Variants in ASPH observed in about 807,000 individuals in gnomAD.
The protein encoded by ASPH is aspartyl/asparaginyl beta-hydroxylase.
In ASPH, 100 loss-of-function variants were observed where a neutral mutation model predicts 118.4. The ratio of observed to expected loss-of-function variants is 0.84; its 90% confidence interval spans 0.72 to 1.00. The LOEUF is 1.00. ASPH is among the 50% of genes least tolerant of loss of function. ASPH has a pLI of 0.00. For synonymous variants in ASPH, 315 were observed against 325.6 expected (o/e 0.97, Z 0.35); for missense variants, 920 against 919.5 (o/e 1.00, Z -0.01).
At chr8:61,686,357 G>T (rs1039814337) in intron 1 of ASPH, among the ~76,000 whole-genome samples, 2 of 151,998 alleles carry the variant, frequency 1.3e-5, no homozygotes, top group African/African-American at 2.4e-5. Context: ...GTTGGTAGAG[G>T]GAAATGGTGG....
chr8:61,695,241 C>A (rs1395979900), intron 1 of ASPH, among the ~76,000 whole-genome samples: 2 of 152,194 alleles, frequency 1.3e-5, no homozygotes, highest in Non-Finnish European at 2.9e-5. Context: ...ATACAGCAGA[C>A]AAAATATTTT....
At chr8:61,695,100 G>A (rs547590633) in intron 1 of ASPH, among the ~76,000 whole-genome samples, 8 of 152,180 alleles carry the variant, frequency 5.3e-5, no homozygotes, top group East Asian at 1.9e-4. Context: ...AAGCATTTGC[G>A]TGTGCCATGA....
intron 1 of ASPH, among the ~76,000 whole-genome samples, chr8:61,694,399 A>G (rs1833436583): frequency 6.6e-6 from 1 of 152,004 alleles, no homozygotes; most frequent in African/African-American, 2.4e-5. Flanking sequence ...TTCATTTTCT[A>G]ACCTCCCACT....
chr8:61,546,917 T>C (rs182191186), intron 21 of ASPH, among the ~76,000 whole-genome samples: 2 of 152,344 alleles, frequency 1.3e-5, no homozygotes, highest in Admixed American at 6.5e-5. Flanking sequence ...ATCAATATTT[T>C]GTCACTCTTC....
chr8:61,646,645 T>C, intron 6 of ASPH, 105 bp downstream of exon 6: 1 of 1,261,350 alleles, frequency 7.9e-7, no homozygotes, highest in South Asian at 2.3e-5. Flanking sequence ...TTTAAAAATC[T>C]AAGCAAAAGT....
intron 1 of ASPH, among the ~76,000 whole-genome samples, chr8:61,691,746 C>G (rs1267579773): frequency 6.6e-6 from 1 of 152,196 alleles, no homozygotes; most frequent in Non-Finnish European, 1.5e-5. Flanking sequence ...AATTTCCTTG[C>G]TTATAAAATG....
chr8:61,520,683 C>A (rs1379770394), intron 22 of ASPH, among the ~76,000 whole-genome samples: 1 of 152,184 alleles, frequency 6.6e-6, no homozygotes, highest in African/African-American at 2.4e-5. Context: ...TCCAAGTCTT[C>A]TGGTATGCAG....
intron 20 of ASPH, among the ~76,000 whole-genome samples, chr8:61,548,457 A>G (rs1328485251): frequency 2.6e-5 from 4 of 152,224 alleles, no homozygotes; most frequent in East Asian, 1.9e-4. Context: ...CTCTCTGGAT[A>G]GTGGATTCAT....
At chr8:61,573,922 A>G (rs1316248730) in intron 16 of ASPH, among the ~76,000 whole-genome samples, 1 of 152,122 alleles carries the variant, frequency 6.6e-6, no homozygotes, top group African/African-American at 2.4e-5. Flanking sequence ...AACCTACAGA[A>G]TGGGAGAAAA....
intron 3 of ASPH, chr8:61,675,852 C>A: frequency 7.4e-7 from 1 of 1,348,018 alleles, no homozygotes; most frequent in Non-Finnish European, 9.5e-7. Context: ...TTGTAGCTGA[C>A]TACAAGAATG....
rs144957446 is a variant in ASPH at position 61,541,220 on chromosome 8, C to T, written c.1764+6851G>A. 5.8e-3 allele frequency among the ~76,000 whole-genome samples: 889 copies of T among 152,162 alleles called. 6 individuals are homozygous for T. Among genetic ancestry groups the T allele is most frequent in the Non-Finnish European group, 9.1e-3 (616 of 67,994 alleles). On this transcript the variant is annotated intron_variant, in intron 21 of 24. Coordinates refer to ENST00000379454, the MANE Select transcript of ASPH (RefSeq NM_004318.4). The stretch of plus-strand genomic sequence containing the variant: ...AATTCATATTAAAAAAAAAATTAGC[C>T]GGGCATGGTGGTGGGCACCTGTAGT...
rs538481699 is a variant in ASPH at position 61,531,367 on chromosome 8, C to T, written c.1765-5255G>A. ...CTTGGCCTCTGCCTGGTACTGGGCT[C>T]CCTAATTACTGGATTCTAGTTATTC... On this transcript the variant is annotated intron_variant, in intron 21 of 24. Coordinates refer to ENST00000379454, the MANE Select transcript of ASPH (RefSeq NM_004318.4). Among the ~76,000 whole-genome samples, 35 of 152,096 alleles carry T rather than the reference C, an allele frequency of 2.3e-4. No homozygotes were observed. The South Asian group carries it at 6.0e-3, about 26-fold the overall frequency.
rs1811393371 is a variant in ASPH at position 61,517,645 on chromosome 8, A to G, written c.2009T>C (p.Met670Thr). The G allele has an allele frequency of 1.9e-6, 3 of 1,613,850 alleles. No individual in the cohort carries two copies. Among genetic ancestry groups the G allele is most frequent in the Non-Finnish European group, 1.7e-6 (2 of 1,179,884 alleles). Residue 670 changes from methionine (M) to threonine (T), a missense_variant, in exon 24 of 25, where the codon ATG becomes ACG. Physicochemically the swap from Met to Thr is moderately conservative, Grantham distance 81. Transcript: ENST00000379454. ...CRRGQIKYSI[M>T]HPGTHVWPHT... ...CGGCCACACGTGAGTCCCGGGGTGCATGATGGAATATTTGATCTGCATAGA... is the reference window on the plus strand; with the variant it reads ...CGGCCACACGTGAGTCCCGGGGTGCGTGATGGAATATTTGATCTGCATAGA...
intron 21 of ASPH, among the ~76,000 whole-genome samples, chr8:61,547,457 T>C (rs557818893): frequency 1.3e-3 from 198 of 152,312 alleles, no homozygotes; most frequent in Non-Finnish European, 1.4e-3. Context: ...ACTTTCTTAA[T>C]AATACAAAGA....
At chr8:61,653,458 T>A in intron 4 of ASPH, 110 bp downstream of exon 4, 1 of 992,886 alleles carries the variant, frequency 1.0e-6, no homozygotes, top group Non-Finnish European at 1.5e-6. Flanking sequence ...TAGTTAATTA[T>A]TCTGTAAATG....
chr8:61,525,833 G>A, intron 22 of ASPH, 144 bp downstream of exon 22: 1 of 1,133,838 alleles, frequency 8.8e-7, no homozygotes, highest in Non-Finnish European at 1.3e-6. Context: ...ACAATGAATG[G>A]ATTTCAAAAA....
intron 14 of ASPH, among the ~76,000 whole-genome samples, chr8:61,597,066 C>T (rs547294960): frequency 7.3e-5 from 11 of 151,448 alleles, no homozygotes; most frequent in South Asian, 4.2e-4. Context: ...AGAACTCAAC[C>T]GGGAACTAAA....
At chr8:61,660,682 T>C (rs926525047) in intron 3 of ASPH, 1 of 152,202 alleles carries the variant, frequency 6.6e-6, no homozygotes, top group African/African-American at 2.4e-5. Flanking sequence ...TTTTTGTCCA[T>C]GTAAGGTATC....
intron 2 of ASPH, chr8:61,683,668 A>G (rs1052466829): frequency 6.2e-6 from 1 of 160,470 alleles, no homozygotes; most frequent in Non-Finnish European, 1.4e-5. Flanking sequence ...ATGATCCATT[A>G]GCAAGTCCTT....
Sources: allele counts gnomAD v4.1 joint callset (sites outside exome capture counted in the v4.1 genomes callset), GRCh38; gene constraint gnomAD v4.1.1; transcripts MANE v1.5; gene names NCBI Gene and HGNC (gene_info 2026-07-23, HGNC 2026-07-21).